The following NELFA variants were observed in gnomAD, a reference collection of about 807,000 sequenced individuals.
The protein encoded by NELFA is negative elongation factor complex member A.
Under a neutral mutation model 51.8 loss-of-function variants are expected in NELFA, and 35 were observed. The observed-to-expected ratio is 0.68, with a 90% CI of 0.52 to 0.90. The LOEUF (loss-of-function observed/expected upper bound fraction) is 0.90. Among genes scored for constraint, NELFA ranks in the 40% least tolerant of loss-of-function variants. NELFA has a pLI of 0.00. For missense variants in NELFA, 658 were observed against 746.4 expected (o/e 0.88, Z 1.38); for synonymous variants, 417 against 338.4 (o/e 1.23, Z -2.55).
intron 1 of NELFA, among the ~76,000 whole-genome samples, chr4:2,000,878 C>T (rs1384056734): frequency 6.6e-6 from 1 of 152,168 alleles, no homozygotes; most frequent in Non-Finnish European, 1.5e-5. Context: ...TGATGAACAT[C>T]AATGTGAAAA....
chr4:1,986,060 G>A, intron 6 of NELFA, 54 bp downstream of exon 6: 1 of 1,535,116 alleles, frequency 6.5e-7, no homozygotes, highest in Non-Finnish European at 8.8e-7. Flanking sequence ...ACCCCAACTG[G>A]GCAGGGCCCG....
At position 1,984,809 on chromosome 4, in the gene NELFA, T is replaced by C. The variant is rs1471406848; in HGVS notation, c.1035A>G (p.Pro345=). Residue 345 remains proline (P), a splice_region_variant and synonymous_variant, in exon 8 of 11, where the codon CCA becomes CCG. Coordinates refer to ENST00000382882, the MANE Select transcript of NELFA (RefSeq NM_005663.5). ...CCAGGCTGGGGCCAGCAGACTCACC[T>C]GGGGGCGTCTCGGAGCTGGGGATGT... ...SSYIPSSETP[P]APSSREASRP... 3 of 1,558,042 alleles carry C rather than the reference T, an allele frequency of 1.9e-6. No homozygotes were observed. The highest frequency in any genetic ancestry group is 1.7e-6 in the Non-Finnish European group (2 of 1,150,390).
At chr4:1,990,279 G>C (rs907377003) in intron 2 of NELFA, 1 of 395,020 alleles carries the variant, frequency 2.5e-6, no homozygotes, top group Non-Finnish European at 5.2e-6. Context: ...CAGGCTGGTG[G>C]TCTCTCCTGG....
Position 1,991,797 on chromosome 4 carries a change from T to G in NELFA, c.211-82A>C. On this transcript the variant is annotated intron_variant, in intron 1 of 10. Coordinates refer to ENST00000382882, the MANE Select transcript of NELFA (RefSeq NM_005663.5). ...CCCTGCTGAGCTTCCGGATGGGCAC[T>G]GGGCAGTGGCCGGGCTCTCTGGCAG... The G allele has an allele frequency of 9.8e-6, 14 of 1,426,618 alleles. No homozygotes were observed. The South Asian group carries it at 1.9e-4, about 20-fold the overall frequency. The allele number at this position is 1,426,618 out of a possible 1,614,324, so 88.4% of individuals were successfully genotyped here.
At chr4:2,008,415 G>A (rs1397242043) in intron 1 of NELFA, among the ~76,000 whole-genome samples, 1 of 150,974 alleles carries the variant, frequency 6.6e-6, no homozygotes, top group Non-Finnish European at 1.5e-5. Flanking sequence ...AACTTGGGTA[G>A]GGGTGAGGAC....
In NELFA at chr4:1,984,820, C is replaced by T. The variant is rs868024863; in HGVS notation, c.1024G>A (p.Glu342Lys). ...CCAGCAGACTCACCTGGGGGCGTCT[C>T]GGAGCTGGGGATGTAGGAGGAGGCG... ...VPASSYIPSS[E>K]TPPAPSSREA... The change falls in exon 8 of 11, where the codon GAG becomes AAG. Residue 342 changes from glutamate to lysine, a missense_variant. Coordinates refer to ENST00000382882, the MANE Select transcript of NELFA (RefSeq NM_005663.5). The T allele has an allele frequency of 1.3e-6, 2 of 1,563,536 alleles. No homozygotes were observed. Among genetic ancestry groups the T allele is most frequent in the Non-Finnish European group, 1.7e-6 (2 of 1,153,378 alleles).
intron 4 of NELFA, chr4:1,986,682 G>T: frequency 2.4e-6 from 1 of 412,338 alleles, no homozygotes; most frequent in Non-Finnish European, 4.5e-6. Context: ...AGTGTGGCGG[G>T]GGCTGAGCTC....
chr4:1,996,363 G>A (rs779111796), intron 1 of NELFA, among the ~76,000 whole-genome samples: 4 of 152,152 alleles, frequency 2.6e-5, no homozygotes, highest in Admixed American at 6.5e-5. Context: ...TGTGGGATGC[G>A]GCTTACACTG....
In NELFA at chr4:2,005,121, T is replaced by A. The variant is rs182049520; in HGVS notation, c.210+3629A>T. 6.9e-4 allele frequency among the ~76,000 whole-genome samples: 102 copies of A among 148,838 alleles called. No homozygotes were observed. In the East Asian group the frequency reaches 0.013, roughly 19 times the overall value. On this transcript the variant is annotated intron_variant, in intron 1 of 10. Coordinates refer to ENST00000382882, the MANE Select transcript of NELFA (RefSeq NM_005663.5). ...CTGCACCCAGCCAATAAAGCTATTT[T>A]AAAAAAATTCATGATTAAAAGATTT...
chr4:1,983,732 G>C (rs200895966), intron 9 of NELFA, 37 bp from the exon 10 acceptor site: 1 of 1,609,162 alleles, frequency 6.2e-7, no homozygotes, highest in Non-Finnish European at 8.5e-7. Context: ...CCAGGGCCCC[G>C]CCAGGACCAC....
chr4:2,004,220 A>C (rs1203174585), intron 1 of NELFA: 2 of 152,228 alleles, frequency 1.3e-5, no homozygotes, highest in Non-Finnish European at 2.9e-5. Context: ...GAAAGAAGTC[A>C]GGCACAAAAG....
At chr4:1,998,831 A>C (rs2109064850) in intron 1 of NELFA, among the ~76,000 whole-genome samples, 1 of 152,282 alleles carries the variant, frequency 6.6e-6, no homozygotes, top group East Asian at 1.9e-4. Flanking sequence ...GATCAACCCC[A>C]AGACACATAA....
chr4:2,003,429 G>GT (rs1403045077), intron 1 of NELFA, among the ~76,000 whole-genome samples: 1 of 152,186 alleles, frequency 6.6e-6, no homozygotes, highest in Admixed American at 6.5e-5. Flanking sequence ...ACACGTACAG[G>GT]TATGTTTACT....
intron 7 of NELFA, 96 bp downstream of exon 7, chr4:1,985,680 A>T: frequency 1.2e-6 from 1 of 864,344 alleles, no homozygotes; most frequent in Non-Finnish European, 1.9e-6. Flanking sequence ...GTACATACAT[A>T]TATATATTCT....
Position 1,983,428 on chromosome 4 carries a change from T to C in NELFA, c.1478A>G (p.Asp493Gly), listed in dbSNP as rs1435880783. 1 of 1,614,078 alleles carries C rather than the reference T, an allele frequency of 6.2e-7. No homozygotes were observed. Among genetic ancestry groups the C allele is most frequent in the Non-Finnish European group, 8.5e-7 (1 of 1,180,028 alleles). ...CAGCATGGTTGTGCTACCCTGGCCG[T>C]CCGCCTTGGGCAGGTCCTCCGTGTG... ...SEHTEDLPKA[D>G]GQGSTTMLVD... The change falls in exon 11 of 11, where the codon GAC becomes GGC. Residue 493 changes from aspartate to glycine, a missense_variant. By Grantham distance (94) the Asp-to-Gly change is moderately conservative. Coordinates refer to ENST00000382882, the MANE Select transcript of NELFA (RefSeq NM_005663.5).
At chr4:1,998,421 T>C (rs1728488525) in intron 1 of NELFA, among the ~76,000 whole-genome samples, 1 of 151,844 alleles carries the variant, frequency 6.6e-6, no homozygotes, top group Admixed American at 6.6e-5. Flanking sequence ...TCAGAGGAAT[T>C]GCTAACTAGA....
chr4:2,006,570 A>T (rs1170334607), intron 1 of NELFA, among the ~76,000 whole-genome samples: 1 of 152,074 alleles, frequency 6.6e-6, no homozygotes, highest in Non-Finnish European at 1.5e-5. Context: ...GGAGTTCAAG[A>T]CCAGCCTGGG....
intron 1 of NELFA, among the ~76,000 whole-genome samples, chr4:2,007,436 C>T (rs1398106931): frequency 6.6e-6 from 1 of 152,176 alleles, no homozygotes; most frequent in Non-Finnish European, 1.5e-5. Context: ...AGGAATACCA[C>T]GCAGCAGTGA....
chr4:2,001,719 G>A (rs924863177), intron 1 of NELFA, among the ~76,000 whole-genome samples: 2 of 152,024 alleles, frequency 1.3e-5, no homozygotes, highest in African/African-American at 2.4e-5. Context: ...CCTGGCCAAC[G>A]TGGTTAAACC....
Sources: gnomAD v4.1 joint callset for allele counts (sites outside exome capture counted in the v4.1 genomes callset) on GRCh38, gnomAD v4.1.1 for gene constraint, MANE v1.5 for transcripts, NCBI Gene and HGNC (gene_info 2026-07-23, HGNC 2026-07-21) for gene names.